The following LRMDA variants were observed in gnomAD, a reference collection of about 807,000 sequenced individuals.
LRMDA encodes the protein leucine rich melanocyte differentiation associated.
A neutral mutation model predicts 29.8 loss-of-function variants in LRMDA; 18 were observed. That is an observed-to-expected ratio of 0.60 (90% CI 0.42 to 0.90). The LOEUF is 0.90. Ranked by LOEUF, LRMDA falls within the 40% of genes least tolerant of loss-of-function variation. The pLI is 0.00. For missense variants in LRMDA, 273 were observed against 273.9 expected (o/e 1.00, Z 0.02); for synonymous variants, 125 against 109.4 (o/e 1.14, Z -0.89).
chr10:76,465,908 C>T, intron 6 of LRMDA, among the ~76,000 whole-genome samples: 1 of 152,122 alleles, frequency 6.6e-6, no homozygotes, highest in East Asian at 1.9e-4. Flanking sequence ...TCTTTTCTTA[C>T]AAGGACACCA....
intron 5 of LRMDA, among the ~76,000 whole-genome samples, chr10:76,101,253 T>A (rs1849389969): frequency 6.6e-6 from 1 of 152,230 alleles, no homozygotes; most frequent in East Asian, 1.9e-4. Flanking sequence ...AGTCTGTACC[T>A]TTATGAACTG....
intron 2 of LRMDA, among the ~76,000 whole-genome samples, chr10:75,829,825 A>G (rs1418749442): frequency 1.5e-5 from 2 of 133,390 alleles, no homozygotes; most frequent in Non-Finnish European, 3.2e-5. Flanking sequence ...GAATGCATAC[A>G]TTTTTGAATA....
At chr10:75,981,011 A>C (rs1241491165) in intron 2 of LRMDA, among the ~76,000 whole-genome samples, 1 of 152,224 alleles carries the variant, frequency 6.6e-6, no homozygotes, top group Non-Finnish European at 1.5e-5. Context: ...ACTTTATGTC[A>C]AATCACAAAC....
chr10:75,918,787 G>A lies in LRMDA; in HGVS notation c.132-117221G>A, dbSNP rs12252181. On this transcript the variant is annotated intron_variant, in intron 2 of 6. Transcript: ENST00000611255. ...GAGCATAGAGTAGGTAAGTATGAAT[G>A]TGAGGCCTTCATGGGAACCTGCCCC... is the stretch of plus-strand genomic sequence containing the variant. Among the ~76,000 whole-genome samples the A allele has an allele frequency of 1.5e-3, 224 of 152,278 alleles. 1 individual carries two copies. The highest frequency in any genetic ancestry group is 6.8e-3 in the Middle Eastern group (2 of 294).
intron 2 of LRMDA, among the ~76,000 whole-genome samples, chr10:75,627,640 T>C (rs1841267782): frequency 6.6e-6 from 1 of 151,408 alleles, no homozygotes; most frequent in Non-Finnish European, 1.5e-5. Flanking sequence ...AAAGCAAGAG[T>C]GGAGAGCACA....
At chr10:75,914,821 A>G (rs1213626050) in intron 2 of LRMDA, among the ~76,000 whole-genome samples, 1 of 152,236 alleles carries the variant, frequency 6.6e-6, no homozygotes, top group Non-Finnish European at 1.5e-5. Flanking sequence ...ATCCAGATAT[A>G]TTAGTAGACA....
chr10:75,558,666 T>A (rs1320930777), intron 2 of LRMDA, among the ~76,000 whole-genome samples: 8 of 149,540 alleles, frequency 5.3e-5, no homozygotes, highest in Non-Finnish European at 1.2e-4. Context: ...TATCTCCTAA[T>A]GCTATCCCTC....
intron 2 of LRMDA, among the ~76,000 whole-genome samples, chr10:76,030,753 C>A (rs537641745): frequency 4.6e-5 from 7 of 152,242 alleles, no homozygotes; most frequent in Non-Finnish European, 7.3e-5. Context: ...TGTGCCACTG[C>A]ACTCCAGCCT....
At chr10:76,074,675 T>C (rs1006697710) in intron 5 of LRMDA, among the ~76,000 whole-genome samples, 4 of 152,198 alleles carry the variant, frequency 2.6e-5, no homozygotes, top group East Asian at 3.8e-4. Flanking sequence ...GAAGTAGATT[T>C]TCCTATCATG....
At chr10:76,269,073 C>A (rs2132318738) in intron 5 of LRMDA, among the ~76,000 whole-genome samples, 1 of 152,156 alleles carries the variant, frequency 6.6e-6, no homozygotes, top group East Asian at 1.9e-4. Context: ...TTACATTTCT[C>A]CCTTTCTTAT....
chr10:75,705,144 A>AT (rs753747732), intron 2 of LRMDA, among the ~76,000 whole-genome samples: 10 of 152,182 alleles, frequency 6.6e-5, no homozygotes, highest in Non-Finnish European at 1.3e-4. Context: ...ACAGTGTGTT[A>AT]TTTTCTCTTT....
chr10:76,148,311 C>T (rs1850369447), intron 5 of LRMDA, among the ~76,000 whole-genome samples: 1 of 152,206 alleles, frequency 6.6e-6, no homozygotes, highest in African/African-American at 2.4e-5. Context: ...AGGCAGGCCT[C>T]CTTGAGCTGT....
rs3042518 is a variant in LRMDA, at chr10:75,897,817, C to CTTTTTTTTT, written c.132-138176_132-138168dup. Among the ~76,000 whole-genome samples, 11 of 78,420 alleles carry CTTTTTTTTT rather than the reference C, an allele frequency of 1.4e-4. 2 individuals are homozygous for CTTTTTTTTT. Among genetic ancestry groups the CTTTTTTTTT allele is most frequent in the Admixed American group, 5.7e-4 (3 of 5,276 alleles). The allele number at this position is 78,420 out of a possible 152,430, so 51.4% of individuals were successfully genotyped here. On this transcript the variant is annotated intron_variant, in intron 2 of 6. Transcript: ENST00000611255. ...GTTTTGCTAAAGCACTTCTTCCTGC[C>CTTTTTTTTT]TTTTTTTTTTTTTTTTTTTTTTTGA...
At chr10:75,706,317 A>G (rs950536340) in intron 2 of LRMDA, among the ~76,000 whole-genome samples, 2 of 151,846 alleles carry the variant, frequency 1.3e-5, no homozygotes, top group Non-Finnish European at 2.9e-5. Context: ...ATTTTGTATT[A>G]TTTCCTTAGG....
intron 6 of LRMDA, among the ~76,000 whole-genome samples, chr10:76,360,655 T>C (rs932588027): frequency 3.3e-5 from 5 of 152,308 alleles, no homozygotes; most frequent in African/African-American, 1.2e-4. Flanking sequence ...TATTATATTC[T>C]TACATTGTAA....
intron 2 of LRMDA, among the ~76,000 whole-genome samples, chr10:75,564,674 T>G (rs1840347591): frequency 1.3e-5 from 2 of 152,250 alleles, no homozygotes; most frequent in African/African-American, 4.8e-5. Context: ...TCGGCCATCT[T>G]GGCTGCCCTC....
chr10:76,445,599 A>G (rs1005103538), intron 6 of LRMDA, among the ~76,000 whole-genome samples: 3 of 152,202 alleles, frequency 2.0e-5, no homozygotes, highest in African/African-American at 7.2e-5. Flanking sequence ...TTGAAAATAT[A>G]GATGGGATTT....
At chr10:76,341,248 G>A (rs115851587) in intron 6 of LRMDA, among the ~76,000 whole-genome samples, 326 of 152,176 alleles carry the variant, frequency 2.1e-3, no homozygotes, top group African/African-American at 7.6e-3. Context: ...TAACTATTAC[G>A]AATAGCTATA....
intron 5 of LRMDA, among the ~76,000 whole-genome samples, chr10:76,103,053 T>C (rs948896363): frequency 6.6e-6 from 1 of 152,226 alleles, no homozygotes; most frequent in Non-Finnish European, 1.5e-5. Flanking sequence ...AGGAACCTAC[T>C]ATCTCCTTTG....
Sources: allele counts gnomAD v4.1 joint callset (sites outside exome capture counted in the v4.1 genomes callset), GRCh38; gene constraint gnomAD v4.1.1; transcripts MANE v1.5; gene names NCBI Gene and HGNC (gene_info 2026-07-23, HGNC 2026-07-21).